Variants in CHRM2 observed in about 807,000 individuals in gnomAD.
CHRM2 encodes muscarinic acetylcholine receptor M2.
In CHRM2, 8 loss-of-function variants were observed where a neutral mutation model predicts 25.0. The observed-to-expected ratio is 0.32, with a 90% CI of 0.19 to 0.58. The LOEUF (loss-of-function observed/expected upper bound fraction) is 0.58. Among genes scored for constraint, CHRM2 ranks in the 20% least tolerant of loss-of-function variants. CHRM2 has a pLI of 0.88. For synonymous variants in CHRM2, 202 were observed against 205.7 expected, an observed-to-expected ratio of 0.98 and a Z score of 0.15; for missense variants, 440 against 567.1, an observed-to-expected ratio of 0.78 and a Z score of 2.28.
At chr7:136,980,228 A>G (rs1312164046) in intron 2 of CHRM2, among the ~76,000 whole-genome samples, 1 of 152,166 alleles carries the variant, frequency 6.6e-6, no homozygotes, top group Non-Finnish European at 1.5e-5. Context: ...GAGTTCACTC[A>G]TGATTTGGCT....
intron 2 of CHRM2, among the ~76,000 whole-genome samples, chr7:136,957,568 C>T (rs558404679): frequency 4.8e-4 from 73 of 152,238 alleles, no homozygotes; most frequent in African/African-American, 1.5e-3. Context: ...CAGTGACACT[C>T]GAGAGACGAG....
At chr7:136,948,837 T>G (rs1338159490) in intron 2 of CHRM2, among the ~76,000 whole-genome samples, 1 of 152,112 alleles carries the variant, frequency 6.6e-6, no homozygotes, top group Non-Finnish European at 1.5e-5. Flanking sequence ...AGTGAGGCAG[T>G]AAGCAGTCTC....
intron 2 of CHRM2, among the ~76,000 whole-genome samples, chr7:136,972,257 C>T (rs900495983): frequency 6.6e-6 from 1 of 151,958 alleles, no homozygotes; most frequent in African/African-American, 2.4e-5. Context: ...TTATTTATTT[C>T]TTAAAAGTCT....
intron 2 of CHRM2, among the ~76,000 whole-genome samples, chr7:136,881,815 C>A (rs1796276694): frequency 6.6e-6 from 1 of 151,992 alleles, no homozygotes; most frequent in African/African-American, 2.4e-5. Context: ...TGTGTAAATT[C>A]AAGAAGAGGA....
chr7:136,983,611 A>C (rs2130985452), intron 2 of CHRM2, among the ~76,000 whole-genome samples: 1 of 152,122 alleles, frequency 6.6e-6, no homozygotes, highest in East Asian at 1.9e-4. Flanking sequence ...CTTCAGATGG[A>C]GGTTTTACGT....
chr7:136,998,057 T>G (rs1307095639), intron 3 of CHRM2, among the ~76,000 whole-genome samples: 2 of 152,208 alleles, frequency 1.3e-5, no homozygotes, highest in Non-Finnish European at 2.9e-5. Context: ...ACTTGCCAAG[T>G]AAATTGCTTT....
intron 2 of CHRM2, among the ~76,000 whole-genome samples, chr7:136,991,202 C>A (rs1050185223): frequency 5.9e-5 from 9 of 152,048 alleles, no homozygotes; most frequent in Admixed American, 3.9e-4. Context: ...AAGTCATCAC[C>A]ATACCCAAAG....
rs112230370 is a variant in CHRM2 at position 137,002,997 on chromosome 7, G to T, written c.-47+10733G>T. On this transcript the variant is annotated intron_variant, in intron 3 of 3. Transcript: ENST00000680005. ...ACATCTTCTAGATCTTCTAGATGTG[G>T]AAAGGGGGTCAACAAATTTAAGCTC... is the stretch of plus-strand genomic sequence containing the variant. 9.3e-3 allele frequency among the ~76,000 whole-genome samples: 1,418 copies of T among 152,246 alleles called. 17 individuals are homozygous for T. The highest frequency in any genetic ancestry group is 0.032 in the African/African-American group (1,335 of 41,540).
intron 2 of CHRM2, among the ~76,000 whole-genome samples, chr7:136,898,511 ATGTGTGTGTG>A (rs3068413): frequency 6.7e-6 from 1 of 150,202 alleles, no homozygotes; most frequent in Non-Finnish European, 1.5e-5. Flanking sequence ...GTGTGTTTGC[ATGTGTGTGTG>A]TGTGTGTGTG....
chr7:136,981,832 T>C (rs1802510084), intron 2 of CHRM2, among the ~76,000 whole-genome samples: 1 of 152,176 alleles, frequency 6.6e-6, no homozygotes, highest in Non-Finnish European at 1.5e-5. Context: ...AAGATTTCCA[T>C]TCTTTTGCAT....
At chr7:136,882,703 G>A (rs560286037) in intron 2 of CHRM2, among the ~76,000 whole-genome samples, 2 of 151,946 alleles carry the variant, frequency 1.3e-5, no homozygotes, top group East Asian at 1.9e-4. Flanking sequence ...TTCCACTTTC[G>A]AAACCAATAT....
At chr7:137,004,344 T>C (rs1214401492) in intron 3 of CHRM2, among the ~76,000 whole-genome samples, 1 of 152,194 alleles carries the variant, frequency 6.6e-6, no homozygotes, top group Non-Finnish European at 1.5e-5. Flanking sequence ...GCCACTTTTT[T>C]ATCCTAGCTT....
At chr7:136,888,973 G>A (rs1288162564) in intron 2 of CHRM2, among the ~76,000 whole-genome samples, 5 of 148,590 alleles carry the variant, frequency 3.4e-5, no homozygotes, top group African/African-American at 5.0e-5. Flanking sequence ...GCATGAACCC[G>A]GGAGGCGGAG....
intron 2 of CHRM2, among the ~76,000 whole-genome samples, chr7:136,917,769 A>C (rs1202734662): frequency 6.6e-6 from 1 of 152,026 alleles, no homozygotes; most frequent in Non-Finnish European, 1.5e-5. Context: ...TCCCATTGAG[A>C]ACATTTCTCT....
chr7:136,989,789 AAATTTACTT>A (rs1352792545), intron 2 of CHRM2, among the ~76,000 whole-genome samples: 1 of 152,094 alleles, frequency 6.6e-6, no homozygotes, highest in African/African-American at 2.4e-5. Flanking sequence ...ACTATTTCAG[AAATTTACTT>A]AAAATACAAA....
chr7:136,925,752 T>C (rs950379121), intron 2 of CHRM2, among the ~76,000 whole-genome samples: 7 of 152,208 alleles, frequency 4.6e-5, no homozygotes, highest in Admixed American at 4.6e-4. Flanking sequence ...TCTCCTTATC[T>C]TTGTCTCACT....
chr7:137,012,660 T>C (rs1169837124), intron 3 of CHRM2, among the ~76,000 whole-genome samples: 2 of 152,024 alleles, frequency 1.3e-5, no homozygotes, highest in Non-Finnish European at 2.9e-5. Context: ...TATTCCATAA[T>C]ATATTTAACC....
chr7:136,941,063 T>G (rs1020240584), intron 2 of CHRM2, among the ~76,000 whole-genome samples: 1 of 152,236 alleles, frequency 6.6e-6, no homozygotes, highest in African/African-American at 2.4e-5. Context: ...CCTTATCTGC[T>G]GAGGCCTGGG....
intron 2 of CHRM2, among the ~76,000 whole-genome samples, chr7:136,965,405 G>T (rs1014856494): frequency 6.6e-6 from 1 of 152,064 alleles, no homozygotes; most frequent in South Asian, 2.1e-4. Context: ...ATTTCTCATG[G>T]ACAAGAGCAA....
Sources: allele counts gnomAD v4.1 joint callset (sites outside exome capture counted in the v4.1 genomes callset), GRCh38; gene constraint gnomAD v4.1.1; transcripts MANE v1.5; gene names NCBI Gene and HGNC (gene_info 2026-07-23, HGNC 2026-07-21).